HS6ST3: variants seen among roughly 807,000 people sequenced by gnomAD.
HS6ST3 encodes heparan-sulfate 6-O-sulfotransferase 3.
A neutral mutation model predicts 36.7 loss-of-function variants in HS6ST3; 12 were observed. That is an observed-to-expected ratio of 0.33 (90% confidence interval 0.21 to 0.53). The LOEUF (loss-of-function observed/expected upper bound fraction) is 0.53, where lower values mean the gene tolerates loss of function less well. HS6ST3 is among the 20% of genes least tolerant of loss of function. The probability of loss-of-function intolerance (pLI) is 0.95; values close to 1 mark genes in which losing one functional copy is unlikely to be tolerated. For synonymous variants in HS6ST3, 240 were observed against 257.5 expected (o/e 0.93, Z 0.65); for missense variants, 584 against 640.9 (o/e 0.91, Z 0.96).
At chr13:96,599,510 T>C (rs996546912) in intron 1 of HS6ST3, among the ~76,000 whole-genome samples, 2 of 152,048 alleles carry the variant, frequency 1.3e-5, no homozygotes, top group Admixed American at 6.6e-5. Flanking sequence ...AATTGTGCTT[T>C]GAGTCTTCTC....
At chr13:96,728,791 T>C (rs1318070100) in intron 1 of HS6ST3, among the ~76,000 whole-genome samples, 4 of 152,216 alleles carry the variant, frequency 2.6e-5, no homozygotes, top group Non-Finnish European at 5.9e-5. Flanking sequence ...ATTGTTTTTT[T>C]TCCTGAGCTG....
At chr13:96,320,755 C>T (rs1317317729) in intron 1 of HS6ST3, among the ~76,000 whole-genome samples, 3 of 152,218 alleles carry the variant, frequency 2.0e-5, no homozygotes, top group Non-Finnish European at 4.4e-5. Flanking sequence ...GCATCCCCAG[C>T]GTCGGGGAAG....
intron 1 of HS6ST3, among the ~76,000 whole-genome samples, chr13:96,341,299 G>T (rs2055128915): frequency 6.6e-6 from 1 of 151,986 alleles, no homozygotes; most frequent in Non-Finnish European, 1.5e-5. Context: ...TATTGGGAGG[G>T]GCTCGTATTT....
chr13:96,506,906 A>G (rs1054281778), intron 1 of HS6ST3, among the ~76,000 whole-genome samples: 4 of 152,102 alleles, frequency 2.6e-5, no homozygotes, highest in Admixed American at 6.6e-5. Flanking sequence ...TAATTGTTAG[A>G]GCCTTGCTAA....
intron 1 of HS6ST3, among the ~76,000 whole-genome samples, chr13:96,636,390 T>A (rs1051191103): frequency 6.6e-6 from 1 of 152,152 alleles, no homozygotes; most frequent in Admixed American, 6.5e-5. Context: ...CTGCACTTCA[T>A]ACCTACTGAC....
intron 1 of HS6ST3, among the ~76,000 whole-genome samples, chr13:96,329,967 G>C (rs1293214077): frequency 6.6e-6 from 1 of 150,704 alleles, no homozygotes; most frequent in Non-Finnish European, 1.5e-5. Context: ...GATCTTTGTT[G>C]GTTTAAAGTC....
intron 1 of HS6ST3, among the ~76,000 whole-genome samples, chr13:96,513,073 A>G (rs919951214): frequency 6.6e-6 from 1 of 152,064 alleles, no homozygotes; most frequent in Admixed American, 6.6e-5. Context: ...TTTCCTTGAA[A>G]TTCTATGGAC....
chr13:96,691,760 A>G (rs550019808), intron 1 of HS6ST3, among the ~76,000 whole-genome samples: 2 of 152,224 alleles, frequency 1.3e-5, no homozygotes, highest in South Asian at 4.1e-4. Context: ...TGTGTAACCT[A>G]AAGAAATTAA....
intron 1 of HS6ST3, among the ~76,000 whole-genome samples, chr13:96,449,697 T>A (rs1166177865): frequency 6.6e-6 from 1 of 152,210 alleles, no homozygotes; most frequent in East Asian, 1.9e-4. Flanking sequence ...ATCTAATCAG[T>A]GTATATATTT....
intron 1 of HS6ST3, among the ~76,000 whole-genome samples, chr13:96,712,302 C>G (rs1360730286): frequency 6.6e-6 from 1 of 152,126 alleles, no homozygotes; most frequent in African/African-American, 2.4e-5. Context: ...ATTCATCTCT[C>G]TTGATATCCA....
chr13:96,436,631 T>C (rs2055644003), intron 1 of HS6ST3, among the ~76,000 whole-genome samples: 1 of 152,196 alleles, frequency 6.6e-6, no homozygotes, highest in African/African-American at 2.4e-5. Flanking sequence ...CTAGTGTCCT[T>C]ATAAGAAGAA....
At chr13:96,717,861 A>G (rs991518263) in intron 1 of HS6ST3, among the ~76,000 whole-genome samples, 2 of 152,170 alleles carry the variant, frequency 1.3e-5, no homozygotes, top group Admixed American at 1.3e-4. Context: ...GTGTGGGGAA[A>G]TTTCATTTTT....
intron 1 of HS6ST3, among the ~76,000 whole-genome samples, chr13:96,242,093 C>T (rs1440102594): frequency 6.6e-6 from 1 of 151,920 alleles, no homozygotes; most frequent in African/African-American, 2.4e-5. Context: ...CCTGATGTAA[C>T]ATTTTCTAAT....
chr13:96,712,161 C>A (rs887477996), intron 1 of HS6ST3, among the ~76,000 whole-genome samples: 1 of 152,136 alleles, frequency 6.6e-6, no homozygotes, highest in African/African-American at 2.4e-5. Context: ...CCTGATTTTT[C>A]TTCACTTCAC....
chr13:96,706,601 G>A (rs543407019), intron 1 of HS6ST3, among the ~76,000 whole-genome samples: 22 of 151,748 alleles, frequency 1.4e-4, no homozygotes, highest in African/African-American at 4.8e-4. Context: ...GTTTTGTTGA[G>A]AGGGTACCTA....
intron 1 of HS6ST3, among the ~76,000 whole-genome samples, chr13:96,288,828 A>G (rs2054816147): frequency 6.6e-6 from 1 of 152,108 alleles, no homozygotes; most frequent in African/African-American, 2.4e-5. Flanking sequence ...AATCAGGAAA[A>G]TAAAATCATA....
rs753293525 is a variant in HS6ST3, at chr13:96,124,083, C to T, written c.707+32514C>T. On this transcript the variant is annotated intron_variant, in intron 1 of 1. Coordinates refer to ENST00000376705, the MANE Select transcript of HS6ST3 (RefSeq NM_153456.4). ...GCCTGTTGAAGATCATGCATTTTAG[C>T]GCTCATATTTTTTCATATGGGGACT... 5.9e-4 allele frequency among the ~76,000 whole-genome samples: 90 copies of T among 152,234 alleles called. 1 individual carries two copies. Among genetic ancestry groups the T allele is most frequent in the Non-Finnish European group, 1.0e-3 (70 of 68,014 alleles).
chr13:96,664,879 A>T (rs1402620665), intron 1 of HS6ST3, among the ~76,000 whole-genome samples: 1 of 152,148 alleles, frequency 6.6e-6, no homozygotes, highest in Non-Finnish European at 1.5e-5. Flanking sequence ...TCTCATTAAT[A>T]AACAAAGGCA....
Position 96,390,609 on chromosome 13 carries a change from A to G in HS6ST3, c.707+299040A>G, listed in dbSNP as rs1053595241. Among the ~76,000 whole-genome samples the G allele has an allele frequency of 2.2e-4, 33 of 152,330 alleles. 1 individual carries two copies. The highest frequency in any genetic ancestry group is 7.5e-4 in the African/African-American group (31 of 41,578). On this transcript the variant is annotated intron_variant, in intron 1 of 1. Coordinates refer to ENST00000376705, the MANE Select transcript of HS6ST3 (RefSeq NM_153456.4). ...TAACAGCCAGAGCAGATGAAGACAG[A>G]CACATACAATATCCTGAGATCATTC... is the stretch of plus-strand genomic sequence containing the variant.
Sources: allele counts gnomAD v4.1 joint callset (sites outside exome capture counted in the v4.1 genomes callset), GRCh38; gene constraint gnomAD v4.1.1; transcripts MANE v1.5; gene names NCBI Gene and HGNC (gene_info 2026-07-23, HGNC 2026-07-21).